GGT5: variants seen among roughly 807,000 people sequenced by gnomAD.
The protein encoded by GGT5 is gamma-glutamyltransferase 5, also known as glutathione hydrolase 5 proenzyme.
In GGT5, 50 loss-of-function variants were observed where a neutral mutation model predicts 58.1. The ratio of observed to expected loss-of-function variants is 0.86; its 90% CI spans 0.69 to 1.09. The LOEUF (loss-of-function observed/expected upper bound fraction) is 1.09. GGT5 is among the 50% of genes least tolerant of loss of function. The probability of loss-of-function intolerance (pLI) is 0.00; values close to 1 mark genes in which losing one functional copy is unlikely to be tolerated. For synonymous variants in GGT5, 370 were observed against 346.1 expected, an observed-to-expected ratio of 1.07 and a Z score of -0.77; for missense variants, 800 against 789.4, an observed-to-expected ratio of 1.01 and a Z score of -0.16.
intron 1 of GGT5, chr22:24,241,170 A>C (rs1412348599): frequency 2.0e-5 from 3 of 152,228 alleles, no homozygotes; most frequent in South Asian, 2.1e-4. Flanking sequence ...AAAAAAAAAA[A>C]AAAAAAAACA....
At chr22:24,234,090 T>C in intron 1 of GGT5, 86 bp from the exon 2 acceptor site, 1 of 1,373,702 alleles carries the variant, frequency 7.3e-7, no homozygotes, top group Non-Finnish European at 1.0e-6. Flanking sequence ...CATTGGAGAA[T>C]GGTGACGGAG....
intron 1 of GGT5, among the ~76,000 whole-genome samples, chr22:24,234,395 G>A (rs1055260777): frequency 5.9e-5 from 9 of 152,156 alleles, no homozygotes; most frequent in African/African-American, 1.9e-4. Flanking sequence ...ATCTCACTGG[G>A]GACACTCTGG....
chr22:24,227,039 C>G (rs923197680), intron 6 of GGT5, among the ~76,000 whole-genome samples: 3 of 150,748 alleles, frequency 2.0e-5, no homozygotes, highest in Non-Finnish European at 4.4e-5. Context: ...ATCTCTGCCT[C>G]CTGGGTTCAA....
At chr22:24,236,290 C>A (rs932333275) in intron 1 of GGT5, among the ~76,000 whole-genome samples, 2 of 152,160 alleles carry the variant, frequency 1.3e-5, no homozygotes, top group Non-Finnish European at 2.9e-5. Flanking sequence ...CACCCTGGAG[C>A]CATCCTGGAT....
intron 1 of GGT5, among the ~76,000 whole-genome samples, chr22:24,234,575 T>C (rs777826134): frequency 6.6e-6 from 1 of 152,166 alleles, no homozygotes; most frequent in Non-Finnish European, 1.5e-5. Context: ...ATCCCTGCAC[T>C]TTGGGAGGCC....
intron 2 of GGT5, 92 bp downstream of exon 2, chr22:24,233,782 C>G (rs990288327): frequency 5.4e-6 from 7 of 1,298,710 alleles, no homozygotes; most frequent in Non-Finnish European, 1.1e-6. Context: ...CACCCAGAAA[C>G]GGGCTTGAGT....
chr22:24,237,007 C>CTTTTTTTTTTTTTTTTTTCTTT (rs35060391), intron 1 of GGT5, among the ~76,000 whole-genome samples: 7 of 131,116 alleles, frequency 5.3e-5, no homozygotes, highest in South Asian at 2.4e-4. Context: ...TCTTTTCTCT[C>CTTTTTTTTTTTTTTTTTTCTTT]TTTTTTTTTT....
In GGT5 at chr22:24,232,030, T is replaced by C. The variant is rs760387908; in HGVS notation, c.754+21A>G. The C allele has an allele frequency of 1.0e-5, 16 of 1,605,048 alleles. No individual in the cohort carries two copies. The East Asian group carries it at 3.6e-4, about 36-fold the overall frequency. ...CTCTTCCTCCAGCAGGGATGGGGTA[T>C]GGAACCTCAGGGAGGCTGACCTTCC... On this transcript the variant is annotated intron_variant, in intron 5 of 11. Coordinates refer to ENST00000327365, the MANE Select transcript of GGT5 (RefSeq NM_004121.5).
chr22:24,224,368 A>G (rs2047686550), intron 11 of GGT5, among the ~76,000 whole-genome samples: 1 of 151,824 alleles, frequency 6.6e-6, no homozygotes, highest in African/African-American at 2.4e-5. Context: ...AAAAATAAAA[A>G]CTATCCAGGT....
rs1273239063 is a variant in GGT5 at position 24,228,048 on chromosome 22, C to CAAAAAAAAAAAA, written c.902-1293_902-1282dup. On this transcript the variant is annotated intron_variant, in intron 6 of 11. Coordinates refer to ENST00000327365, the MANE Select transcript of GGT5 (RefSeq NM_004121.5). ...TAGTAAACAGAGCAAGACTCTGTCT[C>CAAAAAAAAAAAA]AAAAAAAAAAAAAAAAAACAAAACA... is the stretch of plus-strand genomic sequence containing the variant. 5.4e-4 allele frequency among the ~76,000 whole-genome samples: 12 copies of CAAAAAAAAAAAA among 22,066 alleles called. 2 individuals carry two copies. Among genetic ancestry groups the CAAAAAAAAAAAA allele is most frequent in the Admixed American group, 1.2e-3 (2 of 1,656 alleles). 14.5% of individuals were successfully genotyped at this position (22,066 alleles called of 152,430 possible). A position where few individuals can be genotyped will look rare whatever the true frequency, so the allele number is the denominator to read the frequency against.
chr22:24,230,179 C>T (rs1019506864), intron 6 of GGT5, among the ~76,000 whole-genome samples: 5 of 151,890 alleles, frequency 3.3e-5, no homozygotes, highest in African/African-American at 9.7e-5. Flanking sequence ...ACCAGCCTGA[C>T]CAACGTGGCA....
At chr22:24,226,852 T>C in intron 6 of GGT5, 85 bp from the exon 7 acceptor site, 2 of 1,103,598 alleles carry the variant, frequency 1.8e-6, no homozygotes, top group South Asian at 1.4e-5. Flanking sequence ...CACAGAAAGA[T>C]CCACCCACAT....
chr22:24,234,867 G>A lies in GGT5; in HGVS notation c.174-863C>T, dbSNP rs573558486. On this transcript the variant is annotated intron_variant, in intron 1 of 11. Transcript: ENST00000327365. ...AAGAAAGAAAGAAAATAAATGCTCT[G>A]GCCTACCCCTCCCCATCTGTCCATG... is the stretch of plus-strand genomic sequence containing the variant. Among the ~76,000 whole-genome samples the A allele has an allele frequency of 3.5e-4, 53 of 151,924 alleles. 1 individual carries two copies. The South Asian group carries it at 0.01, about 29-fold the overall frequency.
At position 24,244,638 on chromosome 22, in the gene GGT5, A is replaced by C; in HGVS notation, c.88T>G (p.Ser30Ala). 1 of 1,612,868 alleles carries C rather than the reference A, an allele frequency of 6.2e-7. No homozygotes were observed. The highest frequency in any genetic ancestry group is 1.1e-5 in the South Asian group (1 of 91,034). ...LAVIVLAVVL[S>A]RHQAPCGPQA... ...GGGCCACATGGGGCCTGGTGTCGAG[A>C]GAGGACCACAGCCAGCACAATGACA... The change falls in exon 1 of 12, where the codon TCT becomes GCT. Residue 30 changes from serine (S) to alanine (A), a missense_variant. By Grantham distance (99) the Ser-to-Ala change is moderately conservative. Coordinates refer to ENST00000327365, the MANE Select transcript of GGT5 (RefSeq NM_004121.5).
chr22:24,238,825 ATATATATTTATATATATATATT>A (rs1569371594), intron 1 of GGT5, among the ~76,000 whole-genome samples: 217 of 14,718 alleles, frequency 0.015, 18 homozygotes, highest in Middle Eastern at 0.091. Flanking sequence ...ATATATATAT[ATATATATTTATATATATATATT>A]ATATATATTA....
rs773086726 is a variant in GGT5 at position 24,220,066 on chromosome 22, G to A, written c.1665C>T (p.Pro555=). The stretch of plus-strand genomic sequence containing the variant: ...CAGCCTGGACCACGTTCAGGAAGAA[G>A]GGCCTCTGGGTCTGGTTCTGGCCAC... ...QDRGQNQTQR[P]FFLNVVQAVS... Residue 555 remains proline, a synonymous_variant, in exon 12 of 12, where the codon CCC becomes CCT. Transcript: ENST00000327365. The A allele has an allele frequency of 1.9e-6, 3 of 1,614,070 alleles. No individual in the cohort carries two copies. Among genetic ancestry groups the A allele is most frequent in the Non-Finnish European group, 2.5e-6 (3 of 1,180,000 alleles).
At position 24,232,851 on chromosome 22, in the gene GGT5, G is replaced by T. The variant is rs146969821; in HGVS notation, c.568C>A (p.Arg190=). ...AGGGTTGACGCCTGCAAGGAAGGCC[G>T]CAGGATGCTGTTGTGCAGGAAACGG... The part of the protein sequence containing the change: ...LSRFLHNSIL[R]PSLQASTLRQ... The change falls in exon 4 of 12, where the codon CGG becomes AGG. Residue 190 remains arginine (R), a synonymous_variant. Transcript: ENST00000327365. 1 of 1,558,416 alleles carries T rather than the reference G, an allele frequency of 6.4e-7. No individual in the cohort carries two copies. Among genetic ancestry groups the T allele is most frequent in the East Asian group, 2.3e-5 (1 of 42,590 alleles).
chr22:24,225,695 C>A (rs1029261650), intron 8 of GGT5, 43 bp from the exon 9 acceptor site: 3 of 1,218,278 alleles, frequency 2.5e-6, no homozygotes, highest in East Asian at 2.3e-5. Flanking sequence ...GGACCCGGGG[C>A]TCCCACCAGA....
chr22:24,236,762 C>CA (rs35357003), intron 1 of GGT5, among the ~76,000 whole-genome samples: 98,668 of 133,462 alleles, frequency 0.74, 36,248 homozygotes, highest in Non-Finnish European at 0.76. Flanking sequence ...GACTCCATCT[C>CA]AAAAAAAAAA....
Sources: gnomAD v4.1 joint callset for allele counts (sites outside exome capture counted in the v4.1 genomes callset) on GRCh38, gnomAD v4.1.1 for gene constraint, MANE v1.5 for transcripts, NCBI Gene and HGNC (gene_info 2026-07-23, HGNC 2026-07-21) for gene names.